ZFC3H1: variants seen among roughly 807,000 people sequenced by gnomAD.
ZFC3H1 encodes the protein zinc finger C3H1-type containing.
ZFC3H1 carries 71 observed loss-of-function variants against 243.7 expected under a neutral mutation model. The ratio of observed to expected loss-of-function variants is 0.29; its 90% CI spans 0.24 to 0.36. The LOEUF (loss-of-function observed/expected upper bound fraction) is 0.36. ZFC3H1 is among the 10% of genes least tolerant of loss of function. ZFC3H1 has a pLI of 1.00. For synonymous variants in ZFC3H1, 838 were observed against 813.0 expected (o/e 1.03, Z -0.52); for missense variants, 1,966 against 2,317.1 (o/e 0.85, Z 3.11).
Position 71,642,564 on chromosome 12 carries a change from G to T in ZFC3H1, c.1504-5C>A. On this transcript the variant is annotated splice_region_variant and splice_polypyrimidine_tract_variant and intron_variant, in intron 5 of 34. Coordinates refer to ENST00000378743, the MANE Select transcript of ZFC3H1 (RefSeq NM_144982.5). ...CCTCAGGTCAGGATCTGAAGACTAA[G>T]TATACAACACTTTTTTAGTTTCAAA... 1 of 1,599,144 alleles carries T rather than the reference G, an allele frequency of 6.3e-7. No individual in the cohort carries two copies. The highest frequency in any genetic ancestry group is 8.5e-7 in the Non-Finnish European group (1 of 1,174,380).
intron 24 of ZFC3H1, 99 bp from the exon 25 acceptor site, chr12:71,620,414 AC>A (rs1298515876): frequency 1.6e-6 from 2 of 1,212,380 alleles, no homozygotes; most frequent in African/African-American, 3.0e-5. Flanking sequence ...GGAAAAGATG[AC>A]CCCTCCCTTT....
At chr12:71,637,270 A>C (rs1880488527) in intron 7 of ZFC3H1, among the ~76,000 whole-genome samples, 1 of 152,218 alleles carries the variant, frequency 6.6e-6, no homozygotes, top group Admixed American at 6.5e-5. Context: ...AAAAAAATCA[A>C]CAATATTTGA....
chr12:71,649,656 C>T (rs934364545), intron 2 of ZFC3H1, among the ~76,000 whole-genome samples: 6 of 152,036 alleles, frequency 3.9e-5, no homozygotes, highest in African/African-American at 1.2e-4. Flanking sequence ...AAAATGATCA[C>T]GCTTTTAAAA....
intron 24 of ZFC3H1, among the ~76,000 whole-genome samples, chr12:71,623,095 C>T (rs996291306): frequency 1.3e-5 from 2 of 150,692 alleles, no homozygotes; most frequent in East Asian, 3.9e-4. Flanking sequence ...AATTTATTTT[C>T]TCTACGCATT....
chr12:71,614,467 T>A (rs1482138052), intron 30 of ZFC3H1, 68 bp downstream of exon 30: 2 of 1,414,934 alleles, frequency 1.4e-6, no homozygotes, highest in Non-Finnish European at 1.9e-6. Flanking sequence ...AAACAGGAGT[T>A]TTGCTATCAT....
Position 71,634,721 on chromosome 12 carries a change from T to C in ZFC3H1, c.2343A>G (p.Leu781=). The C allele has an allele frequency of 6.3e-7, 1 of 1,593,742 alleles. No individual in the cohort carries two copies. The highest frequency in any genetic ancestry group is 8.5e-7 in the Non-Finnish European group (1 of 1,173,980). ...PEEKKIEYRL[L]KEEIANREKQ... The stretch of plus-strand genomic sequence containing the variant: ...ACACTTACTTGGCAATCTCTTCCTT[T>C]AACAATCTATATTCAATCTTCTTTT... Residue 781 remains leucine, a synonymous_variant, in exon 11 of 35, where the codon TTA becomes TTG. Transcript: ENST00000378743.
Position 71,611,105 on chromosome 12 carries a change from A to T in ZFC3H1, c.5730-8T>A. ...ATCTCAGCAGCAATGGCTCTAAGAG[A>T]AAAAAAAAAAAAAAGAAATATAGAA... On this transcript the variant is annotated splice_region_variant and splice_polypyrimidine_tract_variant and intron_variant, in intron 32 of 34. Transcript: ENST00000378743. 1.6e-6 allele frequency: 1 copy of T among 643,378 alleles called. No homozygotes were observed. The highest frequency in any genetic ancestry group is 2.0e-6 in the Non-Finnish European group (1 of 500,816). The allele number at this position is 643,378 out of a possible 1,614,324, so 39.9% of individuals were successfully genotyped here.
At chr12:71,649,676 T>C (rs1052867585) in intron 2 of ZFC3H1, among the ~76,000 whole-genome samples, 1 of 152,214 alleles carries the variant, frequency 6.6e-6, no homozygotes, top group Admixed American at 6.5e-5. Context: ...AACAACAGAA[T>C]AGTAATAACT....
chr12:71,620,826 T>C (rs1880007333), intron 24 of ZFC3H1, among the ~76,000 whole-genome samples: 1 of 152,180 alleles, frequency 6.6e-6, no homozygotes, highest in African/African-American at 2.4e-5. Flanking sequence ...TATTAAACGG[T>C]ACAATGTTTT....
chr12:71,622,921 T>C (rs1488954782), intron 24 of ZFC3H1, among the ~76,000 whole-genome samples: 1 of 152,146 alleles, frequency 6.6e-6, no homozygotes, highest in African/African-American at 2.4e-5. Context: ...TGTTCCACAA[T>C]AGTCGTATCA....
chr12:71,663,475 C>CGCT lies in ZFC3H1; in HGVS notation c.133_135dup (p.Ser45dup), dbSNP rs762742525. On this transcript the variant is annotated inframe_insertion, in exon 1 of 35. Coordinates refer to ENST00000378743, the MANE Select transcript of ZFC3H1 (RefSeq NM_144982.5). ...CGCGGATAGGGTAACAGCCCGCCGC[C>CGCT]GCTGCTGCTGCTGCTGCTCCGACTC... 7.9e-5 allele frequency: 127 copies of CGCT among 1,612,648 alleles called. No homozygotes were observed. Among genetic ancestry groups the CGCT allele is most frequent in the South Asian group, 4.5e-4 (41 of 91,086 alleles).
chr12:71,637,882 T>C (rs1880504093), intron 7 of ZFC3H1, among the ~76,000 whole-genome samples: 1 of 152,300 alleles, frequency 6.6e-6, no homozygotes, highest in African/African-American at 2.4e-5. Context: ...ATTCCTCTAC[T>C]TCCTTTTTTT....
At chr12:71,658,347 G>A (rs2063532125) in intron 1 of ZFC3H1, among the ~76,000 whole-genome samples, 1 of 138,678 alleles carries the variant, frequency 7.2e-6, no homozygotes, top group African/African-American at 2.8e-5. Flanking sequence ...GGAGTGCAGT[G>A]GTGCGATCTC....
intron 2 of ZFC3H1, 99 bp downstream of exon 2, chr12:71,656,786 A>G (rs1881029694): frequency 1.6e-6 from 2 of 1,235,184 alleles, no homozygotes; most frequent in Admixed American, 4.9e-5. Flanking sequence ...GAATTTACAG[A>G]TAATTACAAT....
intron 2 of ZFC3H1, chr12:71,656,331 C>A (rs74101633): frequency 0.011 from 4,164 of 392,942 alleles, 168 homozygotes; most frequent in African/African-American, 0.077. Context: ...AAAAAACAAG[C>A]CAAATCCATG....
In ZFC3H1 at chr12:71,647,761, A is replaced by C. The variant is rs762169168; in HGVS notation, c.1068T>G (p.Ile356Met). The change falls in exon 3 of 35, where the codon ATT becomes ATG. Residue 356 changes from isoleucine (I) to methionine (M), a missense_variant. Ile to Met is a conservative substitution (Grantham distance 10, BLOSUM62 1). Around this residue, in one of 4 missense-constraint regions of ZFC3H1, gnomAD observed 484 missense variants for 449.7 expected, o/e 1.08. Coordinates refer to ENST00000378743, the MANE Select transcript of ZFC3H1 (RefSeq NM_144982.5). ...NLTRRISTSDILSEKKLGEDE... is the reference protein window; with the variant it reads ...NLTRRISTSDMLSEKKLGEDE... ...AGCAGTATCTTACCTTTTCAGACAG[A>C]ATATCTGAGGTACTAATTCTTCTTG... is the stretch of plus-strand genomic sequence containing the variant. The C allele has an allele frequency of 2.7e-6, 4 of 1,477,262 alleles. No homozygotes were observed. Among genetic ancestry groups the C allele is most frequent in the Middle Eastern group, 1.7e-4 (1 of 5,766 alleles). 91.5% of individuals were successfully genotyped at this position (1,477,262 alleles called of 1,614,324 possible).
At position 71,657,695 on chromosome 12, in the gene ZFC3H1, T is replaced by C. The variant is rs1881056187; in HGVS notation, c.599-394A>G. Among the ~76,000 whole-genome samples, 4 of 152,200 alleles carry C rather than the reference T, an allele frequency of 2.6e-5. No individual in the cohort carries two copies. The South Asian group carries it at 8.3e-4, about 32-fold the overall frequency. On this transcript the variant is annotated intron_variant, in intron 1 of 34. Transcript: ENST00000378743. ...TGCTTTGTCACAGATGCGGATAGTT[T>C]ACACTTCAGGGGGCCAGGCGCGGTG...
chr12:71,619,395 A>AT lies in ZFC3H1; in HGVS notation c.5063dup (p.Asn1688LysfsTer15). 6.2e-7 allele frequency: 1 copy of AT among 1,613,676 alleles called. No individual in the cohort carries two copies. ...TAAATTTCCGCAAAAATGGAAGAAG[A>AT]TTATCGCCTCGATTCTATTTTAAAA... On this transcript the variant is annotated frameshift_variant, in exon 27 of 35. Coordinates refer to ENST00000378743, the MANE Select transcript of ZFC3H1 (RefSeq NM_144982.5). LOFTEE classifies it high-confidence loss of function.
intron 4 of ZFC3H1, 50 bp downstream of exon 4, chr12:71,644,827 A>G: frequency 6.3e-7 from 1 of 1,581,582 alleles, no homozygotes; most frequent in Non-Finnish European, 8.6e-7. Flanking sequence ...TCAAAAAACA[A>G]AAGAAAAGAA....
Sources: gnomAD v4.1 joint callset for allele counts (sites outside exome capture counted in the v4.1 genomes callset) on GRCh38, gnomAD v4.1.1 for gene constraint, gnomAD v4.1.1 regional missense constraint, MANE v1.5 for transcripts, NCBI Gene and HGNC (gene_info 2026-07-23, HGNC 2026-07-21) for gene names.